Variants in SPON1 observed in about 807,000 individuals in gnomAD.
The protein encoded by SPON1 is spondin-1.
Under a neutral mutation model 111.7 loss-of-function variants are expected in SPON1, and 52 were observed. That is an observed-to-expected ratio of 0.47 (90% confidence interval 0.37 to 0.59). The LOEUF (loss-of-function observed/expected upper bound fraction) is 0.59, where lower values mean the gene tolerates loss of function less well. Among genes scored for constraint, SPON1 ranks in the 20% least tolerant of loss-of-function variants. The probability of loss-of-function intolerance (pLI) is 0.00; values close to 1 mark genes in which losing one functional copy is unlikely to be tolerated. For missense variants in SPON1, 957 were observed against 1,068.5 expected (o/e 0.90, Z 1.46); for synonymous variants, 410 against 395.8 (o/e 1.04, Z -0.43).
intron 1 of SPON1, among the ~76,000 whole-genome samples, chr11:13,966,183 C>T (rs1019887810): frequency 6.6e-6 from 1 of 152,170 alleles, no homozygotes; most frequent in African/African-American, 2.4e-5. Context: ...TCTCTCTACT[C>T]TCCCTCCCTC....
In SPON1 at chr11:14,254,570, C is replaced by T. The variant is rs782455052; in HGVS notation, c.933C>T (p.Arg311=). 10 of 1,612,962 alleles carry T rather than the reference C, an allele frequency of 6.2e-6. 1 individual carries two copies. In the South Asian group the frequency reaches 1.1e-4, roughly 18 times the overall value. ...PSAEFSVDRT[R]HLMSFLTMMG... ...CTGAATTTTCCGTGGACAGAACGCG[C>T]CATTTAATGTCCTTCCTGACCATGA... is the stretch of plus-strand genomic sequence containing the variant. The change falls in exon 8 of 16, where the codon CGC becomes CGT. Residue 311 remains arginine, a synonymous_variant. Coordinates refer to ENST00000576479, the MANE Select transcript of SPON1 (RefSeq NM_006108.4).
intron 2 of SPON1, among the ~76,000 whole-genome samples, chr11:14,038,679 C>T (rs1269376204): frequency 6.6e-6 from 1 of 152,132 alleles, no homozygotes; most frequent in African/African-American, 2.4e-5. Context: ...TTAGAATGAC[C>T]AAAATCCAAC....
Position 14,248,024 on chromosome 11 carries a change from C to A in SPON1, c.890+4628C>A, listed in dbSNP as rs372638554. Reference sequence around the variant, plus strand: ...GTTGAGGAATCTTGCCTGCAAAGGACACAGCAAAGGAGCAGCAAAGAAATT... The same window carrying A: ...GTTGAGGAATCTTGCCTGCAAAGGAAACAGCAAAGGAGCAGCAAAGAAATT... On this transcript the variant is annotated intron_variant, in intron 7 of 15. Transcript: ENST00000576479. 3.3e-5 allele frequency among the ~76,000 whole-genome samples: 5 copies of A among 152,252 alleles called. No individual in the cohort carries two copies. In the South Asian group the frequency reaches 1.0e-3, roughly 32 times the overall value.
chr11:14,154,218 G>C (rs1361669170), intron 6 of SPON1, among the ~76,000 whole-genome samples: 2 of 152,164 alleles, frequency 1.3e-5, no homozygotes, highest in East Asian at 3.9e-4. Context: ...ATACTGTGTG[G>C]GGGCTCCAAC....
chr11:14,100,919 T>C (rs146224134), intron 5 of SPON1, among the ~76,000 whole-genome samples: 2 of 152,362 alleles, frequency 1.3e-5, no homozygotes, highest in Non-Finnish European at 2.9e-5. Flanking sequence ...CAGTGTGTCC[T>C]TCTATCCAGC....
At chr11:14,179,630 C>T (rs1004229744) in intron 6 of SPON1, among the ~76,000 whole-genome samples, 2 of 152,138 alleles carry the variant, frequency 1.3e-5, no homozygotes, top group African/African-American at 2.4e-5. Flanking sequence ...GCTCTCTGAG[C>T]CACAGTTTCC....
intron 6 of SPON1, among the ~76,000 whole-genome samples, chr11:14,180,868 C>G (rs1554933635): frequency 6.6e-6 from 1 of 152,242 alleles, no homozygotes; most frequent in African/African-American, 2.4e-5. Context: ...ACCTGGTCCA[C>G]AGCAGGGCTT....
intron 5 of SPON1, among the ~76,000 whole-genome samples, chr11:14,093,495 G>T (rs1182682381): frequency 6.6e-6 from 1 of 152,158 alleles, no homozygotes; most frequent in East Asian, 1.9e-4. Context: ...TTTTAATGCT[G>T]TTTAACAGAT....
At chr11:14,176,703 G>C (rs1275612794) in intron 6 of SPON1, among the ~76,000 whole-genome samples, 2 of 152,130 alleles carry the variant, frequency 1.3e-5, no homozygotes, top group Non-Finnish European at 2.9e-5. Context: ...ATGCACATTG[G>C]GTCGGCAGTG....
chr11:14,124,505 C>T (rs1353426835), intron 5 of SPON1, among the ~76,000 whole-genome samples: 2 of 152,166 alleles, frequency 1.3e-5, no homozygotes, highest in African/African-American at 4.8e-5. Flanking sequence ...ATCTTCCATG[C>T]CCTTCACACC....
intron 6 of SPON1, among the ~76,000 whole-genome samples, chr11:14,194,042 G>A (rs559266364): frequency 1.3e-4 from 20 of 152,328 alleles, no homozygotes; most frequent in South Asian, 4.1e-4. Context: ...CAAGGAACAC[G>A]TTTTAGAAAT....
rs141476985 is a variant in SPON1, at chr11:14,038,090, C to T, written c.346-3431C>T. Among the ~76,000 whole-genome samples the T allele has an allele frequency of 5.8e-4, 84 of 146,048 alleles. 1 individual carries two copies. Among genetic ancestry groups the T allele is most frequent in the African/African-American group, 1.9e-3 (76 of 40,940 alleles). On this transcript the variant is annotated intron_variant, in intron 2 of 15. Transcript: ENST00000576479. ...CTGAGGCAGGAGAATCACTTGAACCCGGGAGGTAGGGGTTGCAGTGAGCCG... is the reference window on the plus strand; with the variant it reads ...CTGAGGCAGGAGAATCACTTGAACCTGGGAGGTAGGGGTTGCAGTGAGCCG...
chr11:14,040,336 T>C (rs916637870), intron 2 of SPON1, among the ~76,000 whole-genome samples: 4 of 152,164 alleles, frequency 2.6e-5, no homozygotes, highest in Admixed American at 6.5e-5. Context: ...TACATTTACA[T>C]GTAGTAACAA....
At position 14,077,893 on chromosome 11, in the gene SPON1, A is replaced by T. The variant is rs546828929; in HGVS notation, c.554-2006A>T. ...AAAAAAGAGAAAAATGTCAACAGAA[A>T]CAGGATAATGAGAAAAGGAAGAAAA... On this transcript the variant is annotated intron_variant, in intron 4 of 15. Coordinates refer to ENST00000576479, the MANE Select transcript of SPON1 (RefSeq NM_006108.4). Among the ~76,000 whole-genome samples the T allele has an allele frequency of 3.9e-5, 6 of 152,306 alleles. No homozygotes were observed. The East Asian group carries it at 1.2e-3, about 29-fold the overall frequency.
At chr11:14,085,842 TCTC>T (rs1248941171) in intron 5 of SPON1, among the ~76,000 whole-genome samples, 3 of 152,180 alleles carry the variant, frequency 2.0e-5, no homozygotes, top group African/African-American at 7.2e-5. Context: ...GGTTTGTAGT[TCTC>T]CTTGAAGAGG....
chr11:14,041,425 A>G (rs1554917254), intron 2 of SPON1, 96 bp from the exon 3 acceptor site: 1 of 1,418,102 alleles, frequency 7.1e-7, no homozygotes, highest in Admixed American at 2.0e-5. Context: ...TAAAATGATA[A>G]GTTTAAAAAT....
At chr11:14,031,428 A>C (rs1848558419) in intron 2 of SPON1, among the ~76,000 whole-genome samples, 1 of 152,238 alleles carries the variant, frequency 6.6e-6, no homozygotes, top group Admixed American at 6.5e-5. Flanking sequence ...ACAGTTTAGA[A>C]GAGAGGCCAC....
intron 15 of SPON1, among the ~76,000 whole-genome samples, chr11:14,264,034 TAAA>T (rs113927403): frequency 8.5e-6 from 1 of 117,666 alleles, no homozygotes; most frequent in Non-Finnish European, 1.8e-5. Context: ...CGTCTCAAAT[TAAA>T]AAAAAAAAAA....
At chr11:14,065,784 A>T (rs1554920315) in intron 3 of SPON1, among the ~76,000 whole-genome samples, 1 of 152,246 alleles carries the variant, frequency 6.6e-6, no homozygotes, top group Admixed American at 6.5e-5. Context: ...TGACTCAGAA[A>T]AATGCACTTG....
Sources: gnomAD v4.1 joint callset for allele counts (sites outside exome capture counted in the v4.1 genomes callset) on GRCh38, gnomAD v4.1.1 for gene constraint, MANE v1.5 for transcripts, NCBI Gene and HGNC (gene_info 2026-07-23, HGNC 2026-07-21) for gene names.